Variants in EFTUD2 observed in about 807,000 individuals in gnomAD.
The protein encoded by EFTUD2 is elongation factor Tu GTP binding domain containing 2, also known as 116 kDa U5 small nuclear ribonucleoprotein component.
In EFTUD2, 9 loss-of-function variants were observed where a neutral mutation model predicts 114.3. The observed-to-expected ratio is 0.08, with a 90% CI of 0.05 to 0.14. The LOEUF (loss-of-function observed/expected upper bound fraction) is 0.14, where lower values mean the gene tolerates loss of function less well. EFTUD2 is among the 10% of genes least tolerant of loss of function. The pLI is 1.00. For synonymous variants in EFTUD2, 449 were observed against 462.3 expected, an observed-to-expected ratio of 0.97 and a Z score of 0.37; for missense variants, 765 against 1,241.2, an observed-to-expected ratio of 0.62 and a Z score of 5.76.
intron 2 of EFTUD2, among the ~76,000 whole-genome samples, chr17:44,887,559 C>T (rs1283869472): frequency 6.6e-6 from 1 of 152,088 alleles, no homozygotes; most frequent in Non-Finnish European, 1.5e-5. Context: ...AAACATGATG[C>T]TGAGTAAAGA....
intron 3 of EFTUD2, 57 bp downstream of exon 3, chr17:44,886,528 C>A: frequency 6.3e-7 from 1 of 1,597,276 alleles, no homozygotes; most frequent in East Asian, 2.2e-5. Flanking sequence ...TTGCTGAGAG[C>A]TATGAAGTTT....
At chr17:44,870,082 T>C (rs912871064) in intron 11 of EFTUD2, among the ~76,000 whole-genome samples, 2 of 152,218 alleles carry the variant, frequency 1.3e-5, no homozygotes, top group Non-Finnish European at 2.9e-5. Context: ...CAATGATCTC[T>C]TCAATATTCC....
chr17:44,863,545 T>C (rs2050694093), intron 15 of EFTUD2, 110 bp downstream of exon 15: 4 of 1,466,934 alleles, frequency 2.7e-6, no homozygotes, highest in Non-Finnish European at 3.7e-6. Flanking sequence ...CTCATGGGGA[T>C]GGGGAGGCAA....
At chr17:44,879,434 G>T in intron 9 of EFTUD2, 122 bp downstream of exon 9, 1 of 948,272 alleles carries the variant, frequency 1.1e-6, no homozygotes, top group Non-Finnish European at 1.7e-6. Context: ...GCAAATTTGA[G>T]CCTTAATCCC....
At chr17:44,879,379 C>A in intron 9 of EFTUD2, 177 bp downstream of exon 9, 1 of 615,180 alleles carries the variant, frequency 1.6e-6, no homozygotes, top group Non-Finnish European at 2.8e-6. Context: ...AGCAACCACA[C>A]CCGGTAAGAA....
At chr17:44,876,126 G>C (rs763663007) in intron 9 of EFTUD2, 26 bp from the exon 10 acceptor site, 1 of 1,594,504 alleles carries the variant, frequency 6.3e-7, no homozygotes, top group Non-Finnish European at 8.6e-7. Context: ...CTCAGAAGGT[G>C]GTAAGAAGAA....
chr17:44,883,690 T>C lies in EFTUD2; in HGVS notation c.385A>G (p.Ile129Val). ...LADLMDNSEL[I>V]RNVTLCGHLH... ...TGTCCACAAAGGGTCACATTTCTGA[T>C]GAGCTCTGAGTTATCCATCAGATCC... The change falls in exon 5 of 28, where the codon ATC becomes GTC. Residue 129 changes from isoleucine to valine, a missense_variant. Physicochemically the swap from Ile to Val is conservative, Grantham distance 29. This residue lies in a region of EFTUD2 where 19 missense variants were observed against 53.0 expected (regional missense o/e 0.36). Coordinates refer to ENST00000426333, the MANE Select transcript of EFTUD2 (RefSeq NM_004247.4). 6.2e-7 allele frequency: 1 copy of C among 1,614,204 alleles called. No individual in the cohort carries two copies. Among genetic ancestry groups the C allele is most frequent in the South Asian group, 1.1e-5 (1 of 91,090 alleles).
intron 16 of EFTUD2, among the ~76,000 whole-genome samples, 184 bp from the exon 17 acceptor site, chr17:44,860,727 G>C (rs1469879742): frequency 6.6e-6 from 1 of 151,252 alleles, no homozygotes; most frequent in Non-Finnish European, 1.5e-5. Context: ...AGCCCCCCAA[G>C]TAGCTGGGAC....
chr17:44,851,463 G>A, intron 27 of EFTUD2, 94 bp from the exon 28 acceptor site: 1 of 1,098,144 alleles, frequency 9.1e-7, no homozygotes, highest in Non-Finnish European at 1.4e-6. Flanking sequence ...GGAGGCTAGT[G>A]GTGGCTGGAA....
At chr17:44,864,808 T>A (rs1400874341) in intron 14 of EFTUD2, 122 bp downstream of exon 14, 2 of 1,432,404 alleles carry the variant, frequency 1.4e-6, no homozygotes, top group East Asian at 4.6e-5. Flanking sequence ...CATCTGAATC[T>A]GTGGTTTGTT....
intron 14 of EFTUD2, among the ~76,000 whole-genome samples, chr17:44,864,214 C>T (rs1180177990): frequency 1.3e-5 from 2 of 152,128 alleles, no homozygotes; most frequent in Non-Finnish European, 2.9e-5. Context: ...ATTAATAAAC[C>T]ACATAAGAGG....
intron 1 of EFTUD2, 43 bp from the exon 2 acceptor site, chr17:44,894,568 C>G (rs2051342760): frequency 2.7e-6 from 4 of 1,483,200 alleles, no homozygotes; most frequent in East Asian, 2.3e-5. Flanking sequence ...ACAAGGTAAT[C>G]AAGGCCTTCA....
In EFTUD2 at chr17:44,862,933, C is replaced by T. The variant is rs368682819; in HGVS notation, c.1414-27G>A. 2.5e-6 allele frequency: 4 copies of T among 1,589,462 alleles called. No homozygotes were observed. The African/African-American group carries it at 5.4e-5, about 21-fold the overall frequency. On this transcript the variant is annotated intron_variant, in intron 15 of 27. Transcript: ENST00000426333. ...TGGAAGAGGGGACAGGGTGCAGCTTCAACCACATCTATGCTCCGGGGAAGT... is the reference window on the plus strand; with the variant it reads ...TGGAAGAGGGGACAGGGTGCAGCTTTAACCACATCTATGCTCCGGGGAAGT...
intron 1 of EFTUD2, among the ~76,000 whole-genome samples, chr17:44,897,215 CAAAAAAAAAAA>C (rs60766041): frequency 1.5e-5 from 1 of 66,520 alleles, no homozygotes; most frequent in Non-Finnish European, 3.1e-5. Context: ...GACTCCGTCT[CAAAAAAAAAAA>C]AAAAAAAAAA....
At chr17:44,865,880 C>G (rs551265281) in intron 13 of EFTUD2, among the ~76,000 whole-genome samples, 1 of 152,000 alleles carries the variant, frequency 6.6e-6, no homozygotes, top group Non-Finnish European at 1.5e-5. Context: ...GGTGTGATCA[C>G]GGCTCACTGC....
chr17:44,872,879 A>C, intron 10 of EFTUD2: 1 of 169,642 alleles, frequency 5.9e-6, no homozygotes, highest in East Asian at 1.7e-4. Flanking sequence ...ACAGGAAATG[A>C]ATCTAATGTG....
chr17:44,883,015 G>C lies in EFTUD2; in HGVS notation c.492+78C>G, dbSNP rs933581429. The C allele has an allele frequency of 4.4e-5, 62 of 1,406,938 alleles. No individual in the cohort carries two copies. The African/African-American group carries it at 7.3e-4, about 17-fold the overall frequency. The allele number at this position is 1,406,938 out of a possible 1,614,324, so 87.2% of individuals were successfully genotyped here. On this transcript the variant is annotated intron_variant, in intron 6 of 27. Coordinates refer to ENST00000426333, the MANE Select transcript of EFTUD2 (RefSeq NM_004247.4). The stretch of plus-strand genomic sequence containing the variant: ...GTCATTATTTATAGAGAACAGGAAG[G>C]GTGAAGGAAGGAGGAGAGAGACATC...
chr17:44,897,255 G>C (rs1001499723), intron 1 of EFTUD2, among the ~76,000 whole-genome samples: 1 of 150,636 alleles, frequency 6.6e-6, no homozygotes, highest in African/African-American at 2.4e-5. Flanking sequence ...CAGAGTCCTA[G>C]GCTCAATAAA....
chr17:44,878,744 C>T lies in EFTUD2; in HGVS notation c.702+812G>A, dbSNP rs115842098. ...AGTAAATGAGGGTGGGTTCTTTGAA[C>T]AATTCTTGAAGCTTTTCAGTTTGCT... On this transcript the variant is annotated intron_variant, in intron 9 of 27. Transcript: ENST00000426333. 4.7e-3 allele frequency among the ~76,000 whole-genome samples: 710 copies of T among 152,228 alleles called. 7 individuals are homozygous for T. Among genetic ancestry groups the T allele is most frequent in the African/African-American group, 0.017 (696 of 41,546 alleles).
Sources: gnomAD v4.1 joint callset for allele counts (sites outside exome capture counted in the v4.1 genomes callset) on GRCh38, gnomAD v4.1.1 for gene constraint, gnomAD v4.1.1 regional missense constraint, MANE v1.5 for transcripts, NCBI Gene and HGNC (gene_info 2026-07-23, HGNC 2026-07-21) for gene names.